The following PHKA2 variants were observed in gnomAD, a reference collection of about 807,000 sequenced individuals.
PHKA2 encodes the protein phosphorylase kinase regulatory subunit alpha 2.
Under a neutral mutation model 102.0 loss-of-function variants are expected in PHKA2, and 31 were observed. The ratio of observed to expected loss-of-function variants is 0.30; its 90% CI spans 0.23 to 0.41. PHKA2 has a LOEUF of 0.41. Among genes scored for constraint, PHKA2 ranks in the 10% least tolerant of loss-of-function variants. The probability of loss-of-function intolerance (pLI) is 1.00; values close to 1 mark genes in which losing one functional copy is unlikely to be tolerated. For missense variants in PHKA2, 858 were observed against 1,023.1 expected, an observed-to-expected ratio of 0.84 and a Z score of 2.20; for synonymous variants, 455 against 416.2, an observed-to-expected ratio of 1.09 and a Z score of -1.13.
chrX:18,912,075 T>C (rs897407165), intron 19 of PHKA2, among the ~76,000 whole-genome samples: 1 of 112,277 alleles, frequency 8.9e-6, no homozygotes, highest in Admixed American at 9.5e-5. Flanking sequence ...GGCTATATCA[T>C]GTCATCTCAG....
intron 3 of PHKA2, among the ~76,000 whole-genome samples, chrX:18,951,909 G>T (rs149618214): frequency 1.8e-5 from 2 of 109,397 alleles, no homozygotes; most frequent in African/African-American, 6.7e-5. Context: ...CTTTCTAGAC[G>T]TGGCTTTTAA....
At position 18,936,107 on chromosome X, in the gene PHKA2, C is replaced by T. The variant is rs1264173859; in HGVS notation, c.1085G>A (p.Gly362Asp). 8.3e-7 allele frequency: 1 copy of T among 1,206,135 alleles called. No homozygotes were observed. The highest frequency in any genetic ancestry group is 1.8e-5 in the African/African-American group (1 of 56,878). The change falls in exon 11 of 33, where the codon GGC (glycine) becomes GAC (aspartate). Residue 362 changes from glycine to aspartate, a missense_variant. Coordinates refer to ENST00000379942, the MANE Select transcript of PHKA2 (RefSeq NM_000292.3). ...REALEGILIR[G>D]KNGIRLVPEL... ...AGGCACCAGGCGGATCCCATTCTTG[C>T]CTCTGATGAGTATTCCCTCCAGGGC...
chrX:18,910,259 C>T (rs1262533429), intron 20 of PHKA2, among the ~76,000 whole-genome samples: 1 of 112,156 alleles, frequency 8.9e-6, no homozygotes, highest in Non-Finnish European at 1.9e-5. Context: ...GTGAGAGGAT[C>T]GCTTGAGCCC....
In PHKA2 at chrX:18,951,417, C is replaced by T. The variant is rs45479498; in HGVS notation, c.286-145G>A. 16,326 of 594,747 alleles carry T rather than the reference C, an allele frequency of 0.027. 195 individuals carry two copies. Among genetic ancestry groups the T allele is most frequent in the Non-Finnish European group, 0.035 (12,275 of 354,906 alleles). 49.0% of individuals were successfully genotyped at this position (594,747 alleles called of 1,213,427 possible). A position where few individuals can be genotyped will look rare whatever the true frequency, so the allele number is the denominator to read the frequency against. ...GATGGAAGGCAGCTGCTAGGCAGCA[C>T]CGCACAGAGGGACTGTGCTGGGGAT... is the stretch of plus-strand genomic sequence containing the variant. On this transcript the variant is annotated intron_variant, in intron 3 of 32. Transcript: ENST00000379942.
chrX:18,959,535 C>T (rs1233984307), intron 1 of PHKA2, among the ~76,000 whole-genome samples: 1 of 111,424 alleles, frequency 9.0e-6, no homozygotes, highest in Non-Finnish European at 1.9e-5. Context: ...AAAACCTGGC[C>T]ACTCTGTCCT....
At chrX:18,941,124 C>T (rs2048483188) in intron 8 of PHKA2, among the ~76,000 whole-genome samples, 1 of 112,258 alleles carries the variant, frequency 8.9e-6, no homozygotes. Context: ...CACCTCAAAA[C>T]AGGGATTATT....
intron 10 of PHKA2, 135 bp from the exon 11 acceptor site, chrX:18,936,285 C>A: frequency 2.0e-6 from 1 of 501,089 alleles, no homozygotes; most frequent in Non-Finnish European, 3.6e-6. Flanking sequence ...TGCACAAATA[C>A]CCTCAGCTCC....
At position 18,897,215 on chromosome X, in the gene PHKA2, A is replaced by C; in HGVS notation, c.3230T>G (p.Ile1077Ser). ...WLRRRRLDGA[I>S]NRVPVGFYQR... ...GTAGAATCCCACGGGGACCCTGTTG[A>C]TGGCCCCATCCAGCCTTCTCCTGCG... is the stretch of plus-strand genomic sequence containing the variant. The change falls in exon 30 of 33, where the codon ATC becomes AGC. Residue 1077 changes from isoleucine (I) to serine (S), a missense_variant. By Grantham distance (142) the Ile-to-Ser change is moderately radical. Coordinates refer to ENST00000379942, the MANE Select transcript of PHKA2 (RefSeq NM_000292.3). The C allele has an allele frequency of 8.3e-7, 1 of 1,211,114 alleles. No homozygotes were observed. The highest frequency in any genetic ancestry group is 1.1e-6 in the Non-Finnish European group (1 of 895,303).
intron 11 of PHKA2, among the ~76,000 whole-genome samples, chrX:18,932,110 T>G (rs779113905): frequency 4.3e-4 from 48 of 112,426 alleles, no homozygotes; most frequent in African/African-American, 1.5e-3. Flanking sequence ...AACATCAGCC[T>G]CCAGCTGTGG....
rs140060022 is a variant in PHKA2, at chrX:18,936,064, C to T, written c.1128G>A (p.Pro376=). ...IRLVPELYAV[P]PNKVDEEYKN... ...TCTGCCACTGGGTTACCTTGTTAGG[C>T]GGGACAGCGTAGAGTTCAGGCACCA... Residue 376 remains proline, a synonymous_variant, in exon 11 of 33, where the codon CCG becomes CCA. Transcript: ENST00000379942. The T allele has an allele frequency of 1.8e-5, 22 of 1,197,911 alleles. No homozygotes were observed. Among genetic ancestry groups the T allele is most frequent in the African/African-American group, 5.3e-5 (3 of 56,781 alleles).
At chrX:18,966,450 C>A (rs973568750) in intron 1 of PHKA2, among the ~76,000 whole-genome samples, 1 of 111,347 alleles carries the variant, frequency 9.0e-6, no homozygotes, top group African/African-American at 3.3e-5. Context: ...CTTTTTGATC[C>A]CTGCAAAGCT....
chrX:18,894,966 T>G (rs974625765), intron 31 of PHKA2, 172 bp downstream of exon 31: 3 of 527,159 alleles, frequency 5.7e-6, no homozygotes, highest in Non-Finnish European at 1.0e-5. Context: ...CAATAAATGC[T>G]GGAAAGACAT....
Position 18,924,438 on chromosome X carries a change from A to T in PHKA2, c.1657T>A (p.Cys553Ser), listed in dbSNP as rs140703161. 1 of 1,209,848 alleles carries T rather than the reference A, an allele frequency of 8.3e-7. No homozygotes were observed. The highest frequency in any genetic ancestry group is 1.7e-5 in the African/African-American group (1 of 57,746). ...LRIELAYLCTCWRMTGRPTLT... is the reference protein window; with the variant it reads ...LRIELAYLCTSWRMTGRPTLT... The stretch of plus-strand genomic sequence containing the variant: ...GTGGGTCTGCCCGTCATCCTCCAGC[A>T]GGTGCACAGGTAGGCCAGCTCGATC... Residue 553 changes from cysteine to serine, a missense_variant, in exon 16 of 33, where the codon TGC (cysteine) becomes AGC (serine). This residue lies in a region of PHKA2 where 671 missense variants were observed against 745.2 expected (regional missense o/e 0.90). Coordinates refer to ENST00000379942, the MANE Select transcript of PHKA2 (RefSeq NM_000292.3).
intron 1 of PHKA2, among the ~76,000 whole-genome samples, chrX:18,976,335 C>G (rs2049090440): frequency 8.9e-6 from 1 of 112,067 alleles, no homozygotes; most frequent in East Asian, 2.8e-4. Flanking sequence ...CTTGGTCCTT[C>G]TCTGTAAAAG....
At chrX:18,914,333 A>C (rs1198046626) in intron 19 of PHKA2, among the ~76,000 whole-genome samples, 3 of 112,598 alleles carry the variant, frequency 2.7e-5, no homozygotes, top group East Asian at 2.8e-4. Flanking sequence ...ACAAGAAAGA[A>C]GACGACAGGA....
chrX:18,894,919 G>GAAATGCTGAGTCTCAGGTGAAGAAAA, intron 31 of PHKA2: 4 of 449,859 alleles, frequency 8.9e-6, no homozygotes, highest in Non-Finnish European at 1.6e-5. Flanking sequence ...TGCTAGCCCA[G>GAAATGCTGAGTCTCAGGTGAAGAAAA]AAATGCTGAG....
At chrX:18,935,777 A>ATT (rs774502316) in intron 11 of PHKA2, among the ~76,000 whole-genome samples, 8 of 77,205 alleles carry the variant, frequency 1.0e-4, no homozygotes, top group Non-Finnish European at 1.8e-4. Context: ...TAATTTTTGT[A>ATT]TTTTTTTTTT....
At chrX:18,893,688 C>A (rs200164738) in intron 32 of PHKA2, 33 bp from the exon 33 acceptor site, 1 of 1,168,555 alleles carries the variant, frequency 8.6e-7, no homozygotes. Flanking sequence ...GGACAATAAG[C>A]GGAGCCCCCA....
intron 19 of PHKA2, among the ~76,000 whole-genome samples, chrX:18,917,049 A>AT (rs1335761490): frequency 4.7e-5 from 5 of 107,164 alleles, no homozygotes; most frequent in African/African-American, 1.7e-4. Flanking sequence ...TATTTTTTCT[A>AT]TTTTTTGTAG....
Sources: allele counts gnomAD v4.1 joint callset (sites outside exome capture counted in the v4.1 genomes callset), GRCh38; gene constraint gnomAD v4.1.1; regional missense constraint gnomAD v4.1.1; transcripts MANE v1.5; gene names NCBI Gene and HGNC (gene_info 2026-07-23, HGNC 2026-07-21).